ATP6V0D2: variants seen among roughly 807,000 people sequenced by gnomAD.
ATP6V0D2 encodes V-type proton ATPase subunit d 2.
In ATP6V0D2, 40 loss-of-function variants were observed where a neutral mutation model predicts 40.0. That is an observed-to-expected ratio of 1.00 (90% CI 0.78 to 1.30). The LOEUF is 1.30. Ranked by LOEUF, ATP6V0D2 falls within the 50% of genes most tolerant of loss-of-function variation. The pLI, the probability that ATP6V0D2 is intolerant of heterozygous loss-of-function variation, is 0.00. For missense variants in ATP6V0D2, 470 were observed against 423.1 expected (o/e 1.11, Z -0.97); for synonymous variants, 179 against 156.3 (o/e 1.15, Z -1.08).
intron 4 of ATP6V0D2, 147 bp downstream of exon 4, chr8:86,141,676 C>T: frequency 1.8e-6 from 1 of 560,502 alleles, no homozygotes; most frequent in Non-Finnish European, 3.0e-6. Flanking sequence ...TAGTTCTGGC[C>T]TGTCCTCTAG....
intron 2 of ATP6V0D2, among the ~76,000 whole-genome samples, chr8:86,139,035 C>A (rs1818936976): frequency 6.6e-6 from 1 of 152,082 alleles, no homozygotes; most frequent in South Asian, 2.1e-4. Context: ...TGAGACCAGC[C>A]TGGCCAACAC....
chr8:86,145,342 GAAGGAAA>G (rs1201050194), intron 5 of ATP6V0D2, among the ~76,000 whole-genome samples: 128 of 67,632 alleles, frequency 1.9e-3, no homozygotes, highest in African/African-American at 5.4e-3. Flanking sequence ...AAGAAGGAAA[GAAGGAAA>G]GAAGGAAGGA....
chr8:86,145,243 G>GAA (rs1225600647), intron 5 of ATP6V0D2, among the ~76,000 whole-genome samples: 2 of 40,584 alleles, frequency 4.9e-5, no homozygotes, highest in East Asian at 9.6e-4. Flanking sequence ...AAGAGAGAGA[G>GAA]AGAGAGAGAG....
chr8:86,153,136 G>A lies in ATP6V0D2; in HGVS notation c.*159G>A. 1.9e-6 allele frequency: 1 copy of A among 517,756 alleles called. No individual in the cohort carries two copies. The highest frequency in any genetic ancestry group is 3.2e-6 in the Non-Finnish European group (1 of 315,914). The allele number at this position is 517,756 out of a possible 1,614,324, so 32.1% of individuals were successfully genotyped here. A position where few individuals can be genotyped will look rare whatever the true frequency, so the allele number is the denominator to read the frequency against. On this transcript the variant is annotated 3_prime_UTR_variant, in exon 8 of 8. Transcript: ENST00000285393. ...CATGGAAACACAGTAAACCAGCCCT[G>A]AAACAAAGCATTTCCTTGTTTTCAG... is the stretch of plus-strand genomic sequence containing the variant.
At chr8:86,110,627 G>A (rs1478725391) in intron 1 of ATP6V0D2, among the ~76,000 whole-genome samples, 2 of 152,080 alleles carry the variant, frequency 1.3e-5, no homozygotes, top group African/African-American at 4.8e-5. Flanking sequence ...TTCATTGCAG[G>A]TCACAATACA....
chr8:86,144,041 A>C (rs1173931108), intron 5 of ATP6V0D2, among the ~76,000 whole-genome samples: 1 of 152,210 alleles, frequency 6.6e-6, no homozygotes, highest in East Asian at 1.9e-4. Flanking sequence ...TTGTTATGTG[A>C]TTCACAGTTG....
chr8:86,142,837 A>G, intron 4 of ATP6V0D2, 40 bp from the exon 5 acceptor site: 2 of 1,285,258 alleles, frequency 1.6e-6, no homozygotes, highest in Non-Finnish European at 2.2e-6. Context: ...AAAGGAATAT[A>G]TATTCATTAT....
chr8:86,133,316 CTTTTTTTTTTT>C lies in ATP6V0D2; in HGVS notation c.303-6126_303-6116del, dbSNP rs1242479597. On this transcript the variant is annotated intron_variant, in intron 2 of 7. Coordinates refer to ENST00000285393, the MANE Select transcript of ATP6V0D2 (RefSeq NM_152565.1). The stretch of plus-strand genomic sequence containing the variant: ...AGGGGCAGCTTCACAAACAGAAAGT[CTTTTTTTTTTT>C]TTTTTTTTTTTTTTGAGATGGAGTC... Among the ~76,000 whole-genome samples the C allele has an allele frequency of 5.2e-5, 4 of 77,294 alleles. 1 individual carries two copies. The highest frequency in any genetic ancestry group is 1.6e-4 in the African/African-American group (3 of 18,742). The allele number at this position is 77,294 out of a possible 152,430, so 50.7% of individuals were successfully genotyped here.
chr8:86,147,992 C>T (rs1819094087), intron 5 of ATP6V0D2, among the ~76,000 whole-genome samples: 1 of 152,170 alleles, frequency 6.6e-6, no homozygotes, highest in Non-Finnish European at 1.5e-5. Flanking sequence ...ATGATTGAGC[C>T]ATGACAATTC....
intron 2 of ATP6V0D2, among the ~76,000 whole-genome samples, chr8:86,134,172 C>T (rs1818865687): frequency 6.6e-6 from 1 of 151,868 alleles, no homozygotes. Flanking sequence ...TAGTATTTTT[C>T]AAGCACTAAA....
intron 2 of ATP6V0D2, among the ~76,000 whole-genome samples, chr8:86,120,508 C>T (rs905752732): frequency 6.6e-6 from 1 of 152,118 alleles, no homozygotes; most frequent in African/African-American, 2.4e-5. Context: ...CATTTAAGTG[C>T]AGGAGTTTGA....
chr8:86,148,943 G>A (rs1281614737), intron 5 of ATP6V0D2, among the ~76,000 whole-genome samples: 1 of 149,560 alleles, frequency 6.7e-6, no homozygotes, highest in Non-Finnish European at 1.5e-5. Context: ...TCACATGCCT[G>A]TAGTCCCTGC....
intron 2 of ATP6V0D2, among the ~76,000 whole-genome samples, chr8:86,132,866 T>C (rs906817845): frequency 6.6e-6 from 1 of 152,220 alleles, no homozygotes; most frequent in Non-Finnish European, 1.5e-5. Context: ...CTGGATTGTA[T>C]GGTGTTTCTG....
chr8:86,148,379 G>A (rs1467156013), intron 5 of ATP6V0D2, among the ~76,000 whole-genome samples: 1 of 152,156 alleles, frequency 6.6e-6, no homozygotes, highest in Non-Finnish European at 1.5e-5. Context: ...AACAGGGTCA[G>A]ATGGAACTAA....
At chr8:86,107,391 G>T (rs1289096887) in intron 1 of ATP6V0D2, among the ~76,000 whole-genome samples, 2 of 152,190 alleles carry the variant, frequency 1.3e-5, no homozygotes, top group African/African-American at 4.8e-5. Flanking sequence ...AACCTTGAAG[G>T]TTTGATTTGA....
chr8:86,111,493 G>A (rs1487312663), intron 1 of ATP6V0D2, among the ~76,000 whole-genome samples: 2 of 152,044 alleles, frequency 1.3e-5, no homozygotes, highest in East Asian at 3.9e-4. Flanking sequence ...CCATCAATGG[G>A]CACTTAGCTT....
chr8:86,141,835 A>G (rs1036210214), intron 4 of ATP6V0D2, among the ~76,000 whole-genome samples: 3 of 152,172 alleles, frequency 2.0e-5, no homozygotes, highest in African/African-American at 7.2e-5. Context: ...GGGGTGAACA[A>G]TATCAATCCA....
In ATP6V0D2 at chr8:86,111,209, C is replaced by T. The variant is rs191739578; in HGVS notation, c.131-2500C>T. ...TTCTTTTTTTTTTTAAATGTAGAGACAAGGTCTTGCTTTGTCACCCAGGCT... is the reference window on the plus strand; with the variant it reads ...TTCTTTTTTTTTTTAAATGTAGAGATAAGGTCTTGCTTTGTCACCCAGGCT... On this transcript the variant is annotated intron_variant, in intron 1 of 7. Coordinates refer to ENST00000285393, the MANE Select transcript of ATP6V0D2 (RefSeq NM_152565.1). 3.7e-3 allele frequency among the ~76,000 whole-genome samples: 535 copies of T among 142,786 alleles called. 2 individuals carry two copies. The highest frequency in any genetic ancestry group is 4.3e-3 in the Non-Finnish European group (285 of 65,984). 93.7% of individuals were successfully genotyped at this position (142,786 alleles called of 152,430 possible).
At chr8:86,147,587 T>C (rs973306446) in intron 5 of ATP6V0D2, among the ~76,000 whole-genome samples, 7 of 152,130 alleles carry the variant, frequency 4.6e-5, no homozygotes, top group African/African-American at 1.7e-4. Context: ...TCTAAAACGA[T>C]GGGTGTTTTC....
Sources: allele counts gnomAD v4.1 joint callset (sites outside exome capture counted in the v4.1 genomes callset), GRCh38; gene constraint gnomAD v4.1.1; transcripts MANE v1.5; gene names NCBI Gene and HGNC (gene_info 2026-07-23, HGNC 2026-07-21).